Variants in ABCD2 observed in about 807,000 individuals in gnomAD.
ABCD2 encodes ATP-binding cassette sub-family D member 2.
In ABCD2, 36 loss-of-function variants were observed where a neutral mutation model predicts 70.9. The ratio of observed to expected loss-of-function variants is 0.51; its 90% CI spans 0.39 to 0.67. ABCD2 has a LOEUF of 0.67. ABCD2 is among the 30% of genes least tolerant of loss of function. The probability of loss-of-function intolerance (pLI) is 0.00; values close to 1 mark genes in which losing one functional copy is unlikely to be tolerated. For missense variants in ABCD2, 729 were observed against 890.2 expected (o/e 0.82, Z 2.30); for synonymous variants, 304 against 306.9 (o/e 0.99, Z 0.10).
the ABCD2 span, among the ~76,000 whole-genome samples, chr12:39,540,986 G>A: frequency 6.6e-6 from 1 of 152,222 alleles, no homozygotes; most frequent in African/African-American, 2.4e-5. Flanking sequence ...CAGAATAAAT[G>A]TCTTCAAATA....
intron 9 of ABCD2, among the ~76,000 whole-genome samples, chr12:39,555,563 C>A (rs1164980009): frequency 6.6e-6 from 1 of 152,164 alleles, no homozygotes; most frequent in Non-Finnish European, 1.5e-5. Context: ...CATGTCCCAA[C>A]CACAAAGTGC....
chr12:39,593,754 A>T (rs1367065578), intron 6 of ABCD2, among the ~76,000 whole-genome samples: 1 of 152,194 alleles, frequency 6.6e-6, no homozygotes, highest in Admixed American at 6.5e-5. Flanking sequence ...TTTTTAAGCC[A>T]TAATGCATCC....
Position 39,619,401 on chromosome 12 carries a change from A to G in ABCD2, c.215T>C (p.Ile72Thr). ...CACTCCAGGCGAAGGTTTTTCACAA[A>G]TGGTCTCGGTGCAATGCAGTATTTC... ...NTEILHCTET[I>T]CEKPSPGVNA... Residue 72 changes from isoleucine (I) to threonine (T), a missense_variant, in exon 1 of 10, where the codon ATT becomes ACT. By Grantham distance (89) the Ile-to-Thr change is moderately conservative. This residue lies in a region of ABCD2 where 245 missense variants were observed against 261.2 expected (regional missense o/e 0.94). Coordinates refer to ENST00000308666, the MANE Select transcript of ABCD2 (RefSeq NM_005164.4). 5.0e-6 allele frequency: 8 copies of G among 1,614,134 alleles called. No homozygotes were observed. Among genetic ancestry groups the G allele is most frequent in the Non-Finnish European group, 6.8e-6 (8 of 1,180,024 alleles).
At chr12:39,538,163 C>CTTT in the ABCD2 span, among the ~76,000 whole-genome samples, 1 of 144,198 alleles carries the variant, frequency 6.9e-6, no homozygotes, top group African/African-American at 2.6e-5. Context: ...CTTTCATTTT[C>CTTT]TTTCTTTCTT....
the ABCD2 span, among the ~76,000 whole-genome samples, chr12:39,534,766 G>GAA: frequency 6.1e-4 from 11 of 18,180 alleles, no homozygotes; most frequent in South Asian, 7.6e-3. Context: ...GAAAGAGAAA[G>GAA]AAAGAAAGAA....
At position 39,618,707 on chromosome 12, in the gene ABCD2, T is replaced by C; in HGVS notation, c.909A>G (p.Val303=). 1 of 1,614,164 alleles carries C rather than the reference T, an allele frequency of 6.2e-7. No individual in the cohort carries two copies. Among genetic ancestry groups the C allele is most frequent in the Non-Finnish European group, 8.5e-7 (1 of 1,180,020 alleles). ...GTCCTCTGTAAAAGGCAATTTCTTC[T>C]ACATTGGCTATAATTCTCGAGTGCA... is the stretch of plus-strand genomic sequence containing the variant. ...RYVHSRIIAN[V]EEIAFYRGHK... Residue 303 remains valine, a synonymous_variant, in exon 1 of 10, where the codon GTA becomes GTG. Coordinates refer to ENST00000308666, the MANE Select transcript of ABCD2 (RefSeq NM_005164.4).
At chr12:39,566,536 C>G in intron 9 of ABCD2, among the ~76,000 whole-genome samples, 1 of 152,066 alleles carries the variant, frequency 6.6e-6, no homozygotes, top group East Asian at 1.9e-4. Flanking sequence ...CTCTATTAGT[C>G]TTGCTAGCGG....
intron 9 of ABCD2, among the ~76,000 whole-genome samples, chr12:39,559,176 C>A (rs1941214184): frequency 6.6e-6 from 1 of 151,786 alleles, no homozygotes; most frequent in Non-Finnish European, 1.5e-5. Flanking sequence ...AGTTCAAGAC[C>A]AGCCTGACCA....
intron 3 of ABCD2, 41 bp downstream of exon 3, chr12:39,607,558 A>C (rs994588872): frequency 6.1e-6 from 9 of 1,478,272 alleles, no homozygotes; most frequent in Non-Finnish European, 8.4e-6. Flanking sequence ...GATTTTCATA[A>C]ATTTTATTTT....
At chr12:39,594,081 C>T (rs898600305) in intron 6 of ABCD2, among the ~76,000 whole-genome samples, 9 of 152,170 alleles carry the variant, frequency 5.9e-5, no homozygotes, top group African/African-American at 2.2e-4. Flanking sequence ...CTCCAAACCA[C>T]AGCTTGATAT....
At chr12:39,589,630 G>A (rs551594422) in intron 6 of ABCD2, among the ~76,000 whole-genome samples, 98 of 151,982 alleles carry the variant, frequency 6.4e-4, no homozygotes, top group African/African-American at 2.2e-3. Context: ...CTCGTGTTCC[G>A]CCCACCTCGG....
At chr12:39,579,961 T>C (rs909016763) in intron 7 of ABCD2, among the ~76,000 whole-genome samples, 2 of 152,186 alleles carry the variant, frequency 1.3e-5, no homozygotes, top group African/African-American at 4.8e-5. Flanking sequence ...CAACAAATTT[T>C]CATATGTCAA....
intron 9 of ABCD2, among the ~76,000 whole-genome samples, chr12:39,569,359 G>A (rs1393959566): frequency 6.6e-6 from 1 of 152,192 alleles, no homozygotes; most frequent in Non-Finnish European, 1.5e-5. Flanking sequence ...CTGCCGTCTT[G>A]CAGTTTGATC....
chr12:39,543,901 C>T, the ABCD2 span, among the ~76,000 whole-genome samples: 13 of 152,190 alleles, frequency 8.5e-5, no homozygotes, highest in Non-Finnish European at 1.9e-4. Context: ...GGTCTTTTAA[C>T]TCAAAAGGAC....
At position 39,551,162 on chromosome 12, in the gene ABCD2, C is replaced by A. The variant is rs1052048370; in HGVS notation, c.*2750G>T. 1 of 150,988 alleles carries A rather than the reference C, an allele frequency of 6.6e-6. No individual in the cohort carries two copies. Among genetic ancestry groups the A allele is most frequent in the African/African-American group, 2.4e-5 (1 of 40,818 alleles). The allele number at this position is 150,988 out of a possible 1,614,324, so 9.4% of individuals were successfully genotyped here. Reference sequence around the variant, plus strand: ...TTACAAGAACACAAACTGTTTTAGACTCATGCTTGGCATAACATTACATGC... The same window carrying A: ...TTACAAGAACACAAACTGTTTTAGAATCATGCTTGGCATAACATTACATGC... On this transcript the variant is annotated 3_prime_UTR_variant, in exon 10 of 10. Coordinates refer to ENST00000308666, the MANE Select transcript of ABCD2 (RefSeq NM_005164.4).
chr12:39,578,696 G>A (rs954415385), intron 8 of ABCD2, among the ~76,000 whole-genome samples: 1 of 151,444 alleles, frequency 6.6e-6, no homozygotes, highest in East Asian at 2.0e-4. Flanking sequence ...TTTATCAGAA[G>A]CAATTATTTC....
At chr12:39,615,316 G>A (rs889346124) in intron 2 of ABCD2, among the ~76,000 whole-genome samples, 3 of 151,612 alleles carry the variant, frequency 2.0e-5, no homozygotes, top group African/African-American at 7.2e-5. Flanking sequence ...AATGAGTATC[G>A]TTATTTTAAG....
intron 9 of ABCD2, among the ~76,000 whole-genome samples, chr12:39,563,078 T>C (rs1941284790): frequency 1.3e-5 from 2 of 152,150 alleles, no homozygotes; most frequent in African/African-American, 4.8e-5. Context: ...TTATCTTAAT[T>C]GACACAGAAC....
intron 2 of ABCD2, among the ~76,000 whole-genome samples, chr12:39,614,425 C>T (rs895544710): frequency 6.6e-6 from 1 of 152,084 alleles, no homozygotes; most frequent in Non-Finnish European, 1.5e-5. Flanking sequence ...CAGGAAAGGA[C>T]AACTATCAAA....
Sources: allele counts gnomAD v4.1 joint callset (sites outside exome capture counted in the v4.1 genomes callset), GRCh38; gene constraint gnomAD v4.1.1; regional missense constraint gnomAD v4.1.1; transcripts MANE v1.5; gene names NCBI Gene and HGNC (gene_info 2026-07-23, HGNC 2026-07-21).